The following ARPC4 variants were observed in gnomAD, a reference collection of about 807,000 sequenced individuals.
The protein encoded by ARPC4 is actin-related protein 2/3 complex subunit 4.
ARPC4 carries 3 observed loss-of-function variants against 22.8 expected under a neutral mutation model. The ratio of observed to expected loss-of-function variants is 0.13; its 90% CI spans 0.06 to 0.34. The LOEUF (loss-of-function observed/expected upper bound fraction) is 0.34. Ranked by LOEUF, ARPC4 falls within the 10% of genes least tolerant of loss-of-function variation. The pLI is 1.00. For synonymous variants in ARPC4, 80 were observed against 72.5 expected (o/e 1.10, Z -0.52); for missense variants, 98 against 211.0 (o/e 0.46, Z 3.32).
At chr3:9,804,709 T>C (rs1158837232) in intron 5 of ARPC4, among the ~76,000 whole-genome samples, 1 of 152,178 alleles carries the variant, frequency 6.6e-6, no homozygotes. Flanking sequence ...AGACTTAGTG[T>C]GTACTCCCAC....
At chr3:9,806,146 T>A (rs1176945531) in intron 5 of ARPC4, 64 bp from the exon 6 acceptor site, 1 of 1,588,090 alleles carries the variant, frequency 6.3e-7, no homozygotes, top group Non-Finnish European at 8.6e-7. Context: ...ATGCACCTCC[T>A]TAGAGCAGTG....
At chr3:9,801,536 C>A in intron 3 of ARPC4, 125 bp from the exon 4 acceptor site, 1 of 888,632 alleles carries the variant, frequency 1.1e-6, no homozygotes, top group Non-Finnish European at 1.7e-6. Flanking sequence ...AGTGATCCTT[C>A]CGAGTACCAA....
chr3:9,799,127 T>C (rs2078957030), intron 2 of ARPC4, among the ~76,000 whole-genome samples: 1 of 152,196 alleles, frequency 6.6e-6, no homozygotes. Context: ...TTCAGAGGCA[T>C]TACTTTGTAA....
intron 1 of ARPC4, among the ~76,000 whole-genome samples, chr3:9,795,643 CT>C (rs932476183): frequency 2.0e-5 from 3 of 152,198 alleles, no homozygotes; most frequent in Non-Finnish European, 4.4e-5. Context: ...TTACTCTAAT[CT>C]TAATTATTTC....
At chr3:9,795,968 C>A (rs980132358) in intron 1 of ARPC4, among the ~76,000 whole-genome samples, 13 of 152,154 alleles carry the variant, frequency 8.5e-5, no homozygotes, top group African/African-American at 3.1e-4. Context: ...CGGTGGTGCA[C>A]ACTTGTCATC....
intron 4 of ARPC4, among the ~76,000 whole-genome samples, chr3:9,803,329 C>T (rs1354224715): frequency 1.3e-5 from 2 of 152,252 alleles, no homozygotes; most frequent in East Asian, 3.9e-4. Context: ...CATGTGCCAT[C>T]ATCAGACACG....
In ARPC4 at chr3:9,793,083, C is replaced by T. The variant is rs1327510499; in HGVS notation, c.-39C>T. ...AGGGCAGGCATCGCGGGGCTGGCCA[C>T]TTCCGTACTTCCGCTTTCCGGCCCA... On this transcript the variant is annotated 5_prime_UTR_variant, in exon 1 of 6. Transcript: ENST00000397261. 2.6e-6 allele frequency: 4 copies of T among 1,545,928 alleles called. No homozygotes were observed. Among genetic ancestry groups the T allele is most frequent in the Non-Finnish European group, 3.5e-6 (4 of 1,145,810 alleles).
At chr3:9,802,552 T>G (rs1237248270) in intron 4 of ARPC4, among the ~76,000 whole-genome samples, 1 of 151,610 alleles carries the variant, frequency 6.6e-6, no homozygotes, top group Non-Finnish European at 1.5e-5. Flanking sequence ...ATTTTTTGTA[T>G]TTTTAGTAGA....
intron 2 of ARPC4, chr3:9,798,171 G>A (rs183710286): frequency 1.9e-4 from 29 of 153,766 alleles, no homozygotes; most frequent in Non-Finnish European, 3.5e-4. Flanking sequence ...GTAATGATCA[G>A]GGATTTTTTT....
At chr3:9,795,632 G>A (rs1559725592) in intron 1 of ARPC4, among the ~76,000 whole-genome samples, 1 of 152,130 alleles carries the variant, frequency 6.6e-6, no homozygotes. Context: ...GTCCTTTTGT[G>A]TTACTCTAAT....
chr3:9,803,505 C>G (rs1341097187), intron 4 of ARPC4: 2 of 477,896 alleles, frequency 4.2e-6, no homozygotes, highest in African/African-American at 2.0e-5. Flanking sequence ...CATCTCTTCT[C>G]TGGACTAAAT....
chr3:9,804,599 G>A (rs1424888112), intron 5 of ARPC4, among the ~76,000 whole-genome samples: 2 of 152,108 alleles, frequency 1.3e-5, no homozygotes, highest in African/African-American at 4.8e-5. Context: ...GTTCTTAGTT[G>A]TTTAGATATT....
Position 9,806,937 on chromosome 3 carries a change from G to T in ARPC4, c.*722G>T, listed in dbSNP as rs560854421. ...TTTCGCCTTGTCCGTCAGTGCCAGTGCCTGTGCCAGAGGTGGCGAGGTGAG... is the reference window on the plus strand; with the variant it reads ...TTTCGCCTTGTCCGTCAGTGCCAGTTCCTGTGCCAGAGGTGGCGAGGTGAG... On this transcript the variant is annotated 3_prime_UTR_variant, in exon 6 of 6. Coordinates refer to ENST00000397261, the MANE Select transcript of ARPC4 (RefSeq NM_005718.5). 2 of 152,744 alleles carry T rather than the reference G, an allele frequency of 1.3e-5. No homozygotes were observed. Among genetic ancestry groups the T allele is most frequent in the Admixed American group, 1.3e-4 (2 of 15,314 alleles). 9.5% of individuals were successfully genotyped at this position (152,744 alleles called of 1,614,324 possible).
intron 5 of ARPC4, among the ~76,000 whole-genome samples, chr3:9,805,280 A>G (rs918772524): frequency 6.6e-6 from 1 of 152,350 alleles, no homozygotes; most frequent in African/African-American, 2.4e-5. Context: ...TGAGTCAGCT[A>G]TTATCGCCAT....
Position 9,797,741 on chromosome 3 carries a change from T to A in ARPC4, c.86T>A (p.Val29Asp). 4 of 1,614,040 alleles carry A rather than the reference T, an allele frequency of 2.5e-6. No homozygotes were observed. The highest frequency in any genetic ancestry group is 3.4e-6 in the Non-Finnish European group (4 of 1,180,002). ...ALCLENFSSQ[V>D]VERHNKPEVE... ...TGCCTGGAGAACTTCTCCTCCCAGGTTGTGGAACGACACAACAAGCCGGAA... is the reference window on the plus strand; with the variant it reads ...TGCCTGGAGAACTTCTCCTCCCAGGATGTGGAACGACACAACAAGCCGGAA... Residue 29 changes from valine to aspartate, a missense_variant, in exon 2 of 6, where the codon GTT becomes GAT. Coordinates refer to ENST00000397261, the MANE Select transcript of ARPC4 (RefSeq NM_005718.5).
At chr3:9,801,567 C>G in intron 3 of ARPC4, 94 bp from the exon 4 acceptor site, 2 of 1,273,830 alleles carry the variant, frequency 1.6e-6, no homozygotes, top group South Asian at 2.9e-5. Context: ...CTCCTGGGAG[C>G]CTTGAAAAAA....
At chr3:9,799,046 G>A (rs1157909822) in intron 2 of ARPC4, among the ~76,000 whole-genome samples, 4 of 152,120 alleles carry the variant, frequency 2.6e-5, no homozygotes, top group Non-Finnish European at 4.4e-5. Flanking sequence ...GATTTCCAGT[G>A]GGCCTTTGAA....
intron 5 of ARPC4, among the ~76,000 whole-genome samples, chr3:9,804,497 G>T (rs1298447501): frequency 1.3e-5 from 2 of 152,212 alleles, no homozygotes; most frequent in East Asian, 1.9e-4. Context: ...AAGTCCTCCA[G>T]ATTCCTCTTA....
intron 4 of ARPC4, among the ~76,000 whole-genome samples, chr3:9,803,078 T>C (rs9876260): frequency 0.65 from 99,073 of 151,306 alleles, 33,011 homozygotes; most frequent in Middle Eastern, 0.86. Context: ...AGAGACGGGG[T>C]TTCACTGTGT....
Sources: gnomAD v4.1 joint callset for allele counts (sites outside exome capture counted in the v4.1 genomes callset) on GRCh38, gnomAD v4.1.1 for gene constraint, MANE v1.5 for transcripts, NCBI Gene and HGNC (gene_info 2026-07-23, HGNC 2026-07-21) for gene names.